Variants in TTF2 observed in about 807,000 individuals in gnomAD.
TTF2 encodes the protein RNA polymerase II termination factor.
In TTF2, 108 loss-of-function variants were observed where a neutral mutation model predicts 142.4. The observed-to-expected ratio is 0.76, with a 90% CI of 0.65 to 0.89. The LOEUF is 0.89. Among genes scored for constraint, TTF2 ranks in the 40% least tolerant of loss-of-function variants. The pLI, the probability that TTF2 is intolerant of heterozygous loss-of-function variation, is 0.00. For synonymous variants in TTF2, 483 were observed against 506.2 expected (o/e 0.95, Z 0.61); for missense variants, 1,327 against 1,379.8 (o/e 0.96, Z 0.61).
At chr1:117,078,534 A>G (rs1360537692) in intron 8 of TTF2, among the ~76,000 whole-genome samples, 1 of 152,240 alleles carries the variant, frequency 6.6e-6, no homozygotes, top group African/African-American at 2.4e-5. Flanking sequence ...GGAAAGGAAT[A>G]AAACGCTGCA....
In TTF2 at chr1:117,092,184, T is replaced by C. The variant is rs1447416333; in HGVS notation, c.2805+234T>C. ...TCAAGAATAGTGTATTTCTATTGTT[T>C]ATTTTGTTTTAGATTAACTGTTTAA... On this transcript the variant is annotated intron_variant, in intron 17 of 22. Transcript: ENST00000369466. The surrounding 1 kb of genome is among the most constrained non-coding windows in gnomAD (Gnocchi z 4.4). Among the ~76,000 whole-genome samples, 1 of 152,218 alleles carries C rather than the reference T, an allele frequency of 6.6e-6. No individual in the cohort carries two copies. Among genetic ancestry groups the C allele is most frequent in the Non-Finnish European group, 1.5e-5 (1 of 68,036 alleles).
At position 117,080,153 on chromosome 1, in the gene TTF2, G is replaced by T. The variant is rs1375731291; in HGVS notation, c.1783+504G>T. 2.6e-5 allele frequency among the ~76,000 whole-genome samples: 4 copies of T among 152,082 alleles called. No homozygotes were observed. Among genetic ancestry groups the T allele is most frequent in the Admixed American group, 6.6e-5 (1 of 15,266 alleles). On this transcript the variant is annotated intron_variant, in intron 9 of 22. Transcript: ENST00000369466. The surrounding 1 kb of genome is among the most constrained non-coding windows in gnomAD (Gnocchi z 4.3). ...CCCTCCCCAGTAGCTGGGATTACAG[G>T]CAGATGCCACCACGCCTGGCTAATT...
At chr1:117,082,482 G>A (rs1338172024) in intron 10 of TTF2, among the ~76,000 whole-genome samples, 2 of 152,098 alleles carry the variant, frequency 1.3e-5, no homozygotes, top group Admixed American at 6.5e-5. Context: ...CAAAGTGCTG[G>A]GATTATAGGT....
intron 15 of TTF2, 96 bp from the exon 16 acceptor site, chr1:117,091,232 G>A (rs1233015335): frequency 1.0e-6 from 1 of 960,352 alleles, no homozygotes; most frequent in Non-Finnish European, 1.5e-6. Flanking sequence ...CATTTAACAA[G>A]TCTTCTATAA....
Position 117,060,328 on chromosome 1 carries a change from A to T in TTF2, c.-19A>T. On this transcript the variant is annotated 5_prime_UTR_variant, in exon 1 of 23. Coordinates refer to ENST00000369466, the MANE Select transcript of TTF2 (RefSeq NM_003594.4). ...AGAATTGGGGGCGGGGCTTTGTGGAACTTGGGGGACCCAGCGAAATGGAAG... is the reference window on the plus strand; with the variant it reads ...AGAATTGGGGGCGGGGCTTTGTGGATCTTGGGGGACCCAGCGAAATGGAAG... The T allele has an allele frequency of 6.3e-7, 1 of 1,593,280 alleles. No individual in the cohort carries two copies. Among genetic ancestry groups the T allele is most frequent in the Non-Finnish European group, 8.5e-7 (1 of 1,170,452 alleles).
chr1:117,076,160 T>A lies in TTF2; in HGVS notation c.1276-20T>A. ...AACAGTGTGAGAGGAGAGATCCATTTGATGGAATCTGTTTTTCAGAGCACA... is the reference window on the plus strand; with the variant it reads ...AACAGTGTGAGAGGAGAGATCCATTAGATGGAATCTGTTTTTCAGAGCACA... On this transcript the variant is annotated intron_variant, in intron 5 of 22. Coordinates refer to ENST00000369466, the MANE Select transcript of TTF2 (RefSeq NM_003594.4). The surrounding 1 kb of genome is among the most constrained non-coding windows in gnomAD (Gnocchi z 4.6). 6.2e-7 allele frequency: 1 copy of A among 1,604,442 alleles called. No homozygotes were observed. Among genetic ancestry groups the A allele is most frequent in the Non-Finnish European group, 8.5e-7 (1 of 1,171,772 alleles).
In TTF2 at chr1:117,075,860, G is replaced by GT; in HGVS notation, c.1275+2dup. 6.2e-7 allele frequency: 1 copy of GT among 1,600,384 alleles called. No individual in the cohort carries two copies. ...TACAACACAACTGAAACAAAAGAAG[G>GT]TAACTATTGACTCGTGTTTTGTTTC... On this transcript the variant is annotated splice_donor_variant, in intron 5 of 22. Coordinates refer to ENST00000369466, the MANE Select transcript of TTF2 (RefSeq NM_003594.4). LOFTEE classifies it high-confidence loss of function. The surrounding 1 kb of genome is among the most constrained non-coding windows in gnomAD (Gnocchi z 4.5).
At position 117,101,589 on chromosome 1, in the gene TTF2, A is replaced by T; in HGVS notation, c.*65A>T. 6.9e-7 allele frequency: 1 copy of T among 1,448,584 alleles called. No individual in the cohort carries two copies. Among genetic ancestry groups the T allele is most frequent in the South Asian group, 1.6e-5 (1 of 63,104 alleles). The allele number at this position is 1,448,584 out of a possible 1,614,324, so 89.7% of individuals were successfully genotyped here. A position where few individuals can be genotyped will look rare whatever the true frequency, so the allele number is the denominator to read the frequency against. On this transcript the variant is annotated 3_prime_UTR_variant, in exon 23 of 23. Coordinates refer to ENST00000369466, the MANE Select transcript of TTF2 (RefSeq NM_003594.4). The surrounding 1 kb of genome is among the most constrained non-coding windows in gnomAD (Gnocchi z 5.9). The stretch of plus-strand genomic sequence containing the variant: ...TTTGTATTAGGATCTGGGAATAACA[A>T]CCTAACCATGAGCCTTGAACTCTGT...
Position 117,098,847 on chromosome 1 carries a change from A to AAG in TTF2, c.3286_3287dup (p.Asp1096GlufsTer11), listed in dbSNP as rs779390245. On this transcript the variant is annotated frameshift_variant, in exon 22 of 23. Coordinates refer to ENST00000369466, the MANE Select transcript of TTF2 (RefSeq NM_003594.4). LOFTEE classifies it high-confidence loss of function. ...TCTTCTAACAGGAATCCATCACTTG[A>AAG]AGATCAAGCTTGTGACCGAATTTAC... The AAG allele has an allele frequency of 3.7e-6, 6 of 1,612,124 alleles. No individual in the cohort carries two copies. Among genetic ancestry groups the AAG allele is most frequent in the Non-Finnish European group, 5.1e-6 (6 of 1,179,488 alleles).
intron 3 of TTF2, among the ~76,000 whole-genome samples, chr1:117,072,066 G>T (rs887463433): frequency 7.2e-5 from 11 of 152,224 alleles, no homozygotes; most frequent in Admixed American, 3.3e-4. Flanking sequence ...ATGGAGAGTA[G>T]TACCCATGCA....
rs17036853 is a variant in TTF2 at position 117,101,628 on chromosome 1, A to G, written c.*104A>G. On this transcript the variant is annotated 3_prime_UTR_variant, in exon 23 of 23. Coordinates refer to ENST00000369466, the MANE Select transcript of TTF2 (RefSeq NM_003594.4). The surrounding 1 kb of genome is among the most constrained non-coding windows in gnomAD (Gnocchi z 5.9). Reference sequence around the variant, plus strand: ...CTTGAACTCTGTTCTTTGCATTTCAATTTCACCGTCAAGCCTTTCACCTTC... The same window carrying G: ...CTTGAACTCTGTTCTTTGCATTTCAGTTTCACCGTCAAGCCTTTCACCTTC... 1,847 of 1,256,498 alleles carry G rather than the reference A, an allele frequency of 1.5e-3. 16 individuals carry two copies. The African/African-American group carries it at 0.019, about 13-fold the overall frequency. The allele number at this position is 1,256,498 out of a possible 1,614,324, so 77.8% of individuals were successfully genotyped here.
At chr1:117,060,702 T>C in intron 2 of TTF2, 145 bp downstream of exon 2, 3 of 691,766 alleles carry the variant, frequency 4.3e-6, no homozygotes, top group Non-Finnish European at 6.6e-6. Context: ...CAATTGGTGA[T>C]CCCAGGGCAG....
rs556797252 is a variant in TTF2 at position 117,106,505 on chromosome 1, C to T, written c.*4981C>T. ...TTGAACACTTTTTATATGCCAGGCA[C>T]TGCTGGGCACTGGAAATATAAAAGT... On this transcript the variant is annotated 3_prime_UTR_variant, in exon 23 of 23. Coordinates refer to ENST00000369466, the MANE Select transcript of TTF2 (RefSeq NM_003594.4). 6.6e-6 allele frequency: 1 copy of T among 152,202 alleles called. No homozygotes were observed. Among genetic ancestry groups the T allele is most frequent in the Non-Finnish European group, 1.5e-5 (1 of 68,042 alleles). 9.4% of individuals were successfully genotyped at this position (152,202 alleles called of 1,614,324 possible).
chr1:117,085,465 A>C lies in TTF2; in HGVS notation c.2055-952A>C, dbSNP rs1437858182. Among the ~76,000 whole-genome samples the C allele has an allele frequency of 1.3e-5, 2 of 152,090 alleles. No individual in the cohort carries two copies. Among genetic ancestry groups the C allele is most frequent in the Non-Finnish European group, 2.9e-5 (2 of 68,018 alleles). On this transcript the variant is annotated intron_variant, in intron 11 of 22. Transcript: ENST00000369466. The surrounding 1 kb of genome is among the most constrained non-coding windows in gnomAD (Gnocchi z 4.7). ...TTACTTGGGAGGCTGAGGTGGGAGA[A>C]TCGCTTGAGCCTGGAAGGTGGAGGT...
At position 117,079,356 on chromosome 1, in the gene TTF2, G is replaced by C. The variant is rs576566666; in HGVS notation, c.1702-212G>C. On this transcript the variant is annotated intron_variant, in intron 8 of 22. Transcript: ENST00000369466. The surrounding 1 kb of genome is among the most constrained non-coding windows in gnomAD (Gnocchi z 4.2). ...CTCTTAATAGAAATGCTGAACATTA[G>C]ATGCAACCCAAAACAAACAGGGGCA... is the stretch of plus-strand genomic sequence containing the variant. Among the ~76,000 whole-genome samples, 8 of 152,196 alleles carry C rather than the reference G, an allele frequency of 5.3e-5. No individual in the cohort carries two copies. In the South Asian group the frequency reaches 1.2e-3, roughly 24 times the overall value.
At position 117,101,619 on chromosome 1, in the gene TTF2, T is replaced by A; in HGVS notation, c.*95T>A. The A allele has an allele frequency of 1.5e-6, 2 of 1,302,318 alleles. No homozygotes were observed. Among genetic ancestry groups the A allele is most frequent in the African/African-American group, 3.0e-5 (2 of 66,638 alleles). The allele number at this position is 1,302,318 out of a possible 1,614,324, so 80.7% of individuals were successfully genotyped here. A position where few individuals can be genotyped will look rare whatever the true frequency, so the allele number is the denominator to read the frequency against. Reference sequence around the variant, plus strand: ...ACCATGAGCCTTGAACTCTGTTCTTTGCATTTCAATTTCACCGTCAAGCCT... The same window carrying A: ...ACCATGAGCCTTGAACTCTGTTCTTAGCATTTCAATTTCACCGTCAAGCCT... On this transcript the variant is annotated 3_prime_UTR_variant, in exon 23 of 23. Coordinates refer to ENST00000369466, the MANE Select transcript of TTF2 (RefSeq NM_003594.4). This position sits in a 1 kb window ranked among gnomAD's most constrained non-coding sequence, Gnocchi z 5.9.
In TTF2 at chr1:117,079,164, T is replaced by C. The variant is rs1647264224; in HGVS notation, c.1702-404T>C. Among the ~76,000 whole-genome samples the C allele has an allele frequency of 6.6e-6, 1 of 152,064 alleles. No individual in the cohort carries two copies. The highest frequency in any genetic ancestry group is 6.5e-5 in the Admixed American group (1 of 15,268). ...CTAAGGCAGGAGAATTGCTTGAACC[T>C]GGGAGGCGGAGGCTGCAGTGGGCTG... On this transcript the variant is annotated intron_variant, in intron 8 of 22. Transcript: ENST00000369466. The surrounding 1 kb of genome is among the most constrained non-coding windows in gnomAD (Gnocchi z 4.2).
rs904984481 is a variant in TTF2 at position 117,091,851 on chromosome 1, C to T, written c.2706C>T (p.His902=). 1.4e-5 allele frequency: 23 copies of T among 1,608,612 alleles called. 1 individual carries two copies. Among genetic ancestry groups the T allele is most frequent in the Middle Eastern group, 3.3e-4 (2 of 6,072 alleles). ...ALEFGSEEPR[H]SEAADSPRSS... is the part of the protein sequence containing the mutation. Reference sequence around the variant, plus strand: ...AGTTTGGGTCTGAGGAGCCTAGACACTCGGAGGCAGCAGACTCACCGAGAT... The same window carrying T: ...AGTTTGGGTCTGAGGAGCCTAGACATTCGGAGGCAGCAGACTCACCGAGAT... Residue 902 remains histidine (H), a synonymous_variant, in exon 17 of 23, where the codon CAC becomes CAT. Transcript: ENST00000369466.
chr1:117,075,127 C>T lies in TTF2; in HGVS notation c.543C>T (p.Gly181=). 6.2e-7 allele frequency: 1 copy of T among 1,613,992 alleles called. No homozygotes were observed. The highest frequency in any genetic ancestry group is 8.5e-7 in the Non-Finnish European group (1 of 1,180,004). Reference sequence around the variant, plus strand: ...TGATGGAGAAAGACCTCTCATCTGGCCTGGTACCAAAGAAAAAACAATCTG... The same window carrying T: ...TGATGGAGAAAGACCTCTCATCTGGTCTGGTACCAAAGAAAAAACAATCTG... ...PEMMEKDLSS[G]LVPKKKQSVV... is the part of the protein sequence containing the mutation. The change falls in exon 5 of 23, where the codon GGC becomes GGT. Residue 181 remains glycine (G), a synonymous_variant. Coordinates refer to ENST00000369466, the MANE Select transcript of TTF2 (RefSeq NM_003594.4). The surrounding 1 kb of genome is among the most constrained non-coding windows in gnomAD (Gnocchi z 4.5).
Sources: gnomAD v4.1 joint callset for allele counts (sites outside exome capture counted in the v4.1 genomes callset) on GRCh38, gnomAD v4.1.1 for gene constraint, Gnocchi (gnomAD v3.1) non-coding constraint, MANE v1.5 for transcripts, NCBI Gene and HGNC (gene_info 2026-07-23, HGNC 2026-07-21) for gene names.